The following LINGO1 variants were observed in gnomAD, a reference collection of about 807,000 sequenced individuals.
LINGO1 encodes leucine-rich repeat and immunoglobulin-like domain-containing nogo receptor-interacting protein 1.
In LINGO1, 11 loss-of-function variants were observed where a neutral mutation model predicts 37.3. The ratio of observed to expected loss-of-function variants is 0.29; its 90% CI spans 0.19 to 0.49. The LOEUF is 0.49. Among genes scored for constraint, LINGO1 ranks in the 20% least tolerant of loss-of-function variants. LINGO1 has a pLI of 0.99. For missense variants in LINGO1, 585 were observed against 878.2 expected (o/e 0.67, Z 4.22); for synonymous variants, 387 against 403.0 (o/e 0.96, Z 0.48).
In LINGO1 at chr15:77,738,275, C is replaced by T. The variant is rs533983887; in HGVS notation, c.-256-3222G>A. 5.3e-5 allele frequency among the ~76,000 whole-genome samples: 8 copies of T among 152,258 alleles called. No homozygotes were observed. In the East Asian group the frequency reaches 1.2e-3, roughly 22 times the overall value. ...CCAAACTATCAGAGCAGCACGATGA[C>T]GGAGAGAATCAGGCCCTGTGGCTCC... On this transcript the variant is annotated intron_variant, in intron 1 of 3. Coordinates refer to the LINGO1 transcript ENST00000561686.
At chr15:77,739,733 C>T (rs2076241584) in intron 1 of LINGO1, among the ~76,000 whole-genome samples, 1 of 152,216 alleles carries the variant, frequency 6.6e-6, no homozygotes, top group Admixed American at 6.5e-5. Flanking sequence ...CCCAGCCCAC[C>T]CACTGAGGTG....
intron 1 of LINGO1, among the ~76,000 whole-genome samples, chr15:77,694,293 C>T (rs2075653552): frequency 6.6e-6 from 1 of 152,120 alleles, no homozygotes; most frequent in African/African-American, 2.4e-5. Flanking sequence ...CTGCAGCCCA[C>T]ACTGTGAGGC....
chr15:77,809,221 G>A (rs532556061), intron 1 of LINGO1, among the ~76,000 whole-genome samples: 15 of 152,328 alleles, frequency 9.8e-5, no homozygotes, highest in Non-Finnish European at 2.1e-4. Context: ...CCCGAGGCCT[G>A]CAGGTCAGCT....
chr15:77,715,691 TG>T (rs2075975465), intron 2 of LINGO1, among the ~76,000 whole-genome samples: 1 of 152,232 alleles, frequency 6.6e-6, no homozygotes, highest in Admixed American at 6.5e-5. Flanking sequence ...CCTCCTGCGC[TG>T]GGGCCTGTAT....
intron 1 of LINGO1, among the ~76,000 whole-genome samples, chr15:77,818,620 G>A (rs1417820889): frequency 1.3e-5 from 2 of 152,234 alleles, no homozygotes; most frequent in African/African-American, 2.4e-5. Flanking sequence ...AAGGCGCGGG[G>A]ACACACACAT....
chr15:77,762,572 G>A (rs2141385784), intron 1 of LINGO1, among the ~76,000 whole-genome samples: 1 of 152,278 alleles, frequency 6.6e-6, no homozygotes, highest in South Asian at 2.1e-4. Context: ...AAATTCCTGG[G>A]CTTCAAGGCT....
chr15:77,759,195 C>G (rs1174026910), intron 1 of LINGO1, among the ~76,000 whole-genome samples: 1 of 152,202 alleles, frequency 6.6e-6, no homozygotes, highest in Non-Finnish European at 1.5e-5. Flanking sequence ...ACATGCATAC[C>G]CACACACTAC....
chr15:77,698,822 G>C (rs936825181), upstream of LINGO1, among the ~76,000 whole-genome samples: 10 of 152,186 alleles, frequency 6.6e-5, no homozygotes, highest in Admixed American at 3.3e-4. Flanking sequence ...CAGGAGGATC[G>C]GGAGCAGGGC....
At chr15:77,655,042 C>A (rs547270668) in intron 3 of LINGO1, among the ~76,000 whole-genome samples, 1 of 152,294 alleles carries the variant, frequency 6.6e-6, no homozygotes, top group East Asian at 1.9e-4. Flanking sequence ...CACTCAGCCC[C>A]TAGGGGAGGG....
intron 2 of LINGO1, among the ~76,000 whole-genome samples, chr15:77,718,660 C>A (rs55803038): frequency 6.6e-6 from 1 of 150,806 alleles, no homozygotes; most frequent in Admixed American, 6.6e-5. Context: ...GGTCTAGGGA[C>A]CCATTAGCAT....
intron 1 of LINGO1, among the ~76,000 whole-genome samples, chr15:77,735,802 A>T (rs2076198408): frequency 6.6e-6 from 1 of 152,214 alleles, no homozygotes; most frequent in Admixed American, 6.5e-5. Context: ...CAGCCTGGAA[A>T]GTACAAAGCC....
chr15:77,691,727 T>TGACGG (rs150168189), intron 1 of LINGO1, among the ~76,000 whole-genome samples: 3,008 of 152,050 alleles, frequency 0.02, 111 homozygotes, highest in African/African-American at 0.068. Flanking sequence ...ACGACAGAGA[T>TGACGG]GACGGAGCAA....
chr15:77,782,210 C>T (rs925094579), intron 1 of LINGO1, among the ~76,000 whole-genome samples: 6 of 58,694 alleles, frequency 1.0e-4, no homozygotes, highest in South Asian at 7.0e-4. Context: ...TGTGCGCACG[C>T]GTACACACAC....
chr15:77,638,781 G>A (rs2074444217), upstream of LINGO1, among the ~76,000 whole-genome samples: 1 of 152,134 alleles, frequency 6.6e-6, no homozygotes, highest in Non-Finnish European at 1.5e-5. Flanking sequence ...AGTCTCAGTT[G>A]CCCAGTGATA....
chr15:77,701,660 G>A (rs930305909), intron 2 of LINGO1, among the ~76,000 whole-genome samples: 1 of 152,042 alleles, frequency 6.6e-6, no homozygotes, highest in Admixed American at 6.5e-5. Flanking sequence ...CACTCTATTA[G>A]TTCCCATGAG....
At chr15:77,621,474 C>T (rs2073915910) in intron 1 of LINGO1, among the ~76,000 whole-genome samples, 1 of 152,212 alleles carries the variant, frequency 6.6e-6, no homozygotes, top group African/African-American at 2.4e-5. Flanking sequence ...GCCTGGGTCA[C>T]AAAGCCAGAG....
intron 2 of LINGO1, among the ~76,000 whole-genome samples, chr15:77,792,069 C>G (rs535645691): frequency 1.3e-5 from 2 of 152,164 alleles, no homozygotes; most frequent in Non-Finnish European, 2.9e-5. Flanking sequence ...CCAGCTCTTC[C>G]CGCAGCTGCA....
intron 1 of LINGO1, among the ~76,000 whole-genome samples, chr15:77,620,403 G>A (rs1347290743): frequency 6.6e-6 from 1 of 152,192 alleles, no homozygotes; most frequent in Non-Finnish European, 1.5e-5. Context: ...CACTGCAGAG[G>A]GCAGGTCCTA....
intron 1 of LINGO1, among the ~76,000 whole-genome samples, chr15:77,630,303 A>G (rs533523540): frequency 2.0e-5 from 3 of 152,034 alleles, no homozygotes; most frequent in African/African-American, 7.3e-5. Flanking sequence ...CCCAACCCCA[A>G]TTGTGCTTCT....
Sources: allele counts gnomAD v4.1 joint callset (sites outside exome capture counted in the v4.1 genomes callset), GRCh38; gene constraint gnomAD v4.1.1; transcripts MANE v1.5; gene names NCBI Gene and HGNC (gene_info 2026-07-23, HGNC 2026-07-21).